Variants in VPS13B observed in about 807,000 individuals in gnomAD.
VPS13B encodes intermembrane lipid transfer protein VPS13B.
VPS13B carries 285 observed loss-of-function variants against 426.4 expected under a neutral mutation model. The ratio of observed to expected loss-of-function variants is 0.67; its 90% CI spans 0.61 to 0.74. VPS13B has a LOEUF of 0.74. VPS13B is among the 30% of genes least tolerant of loss of function. The pLI is 0.00. For synonymous variants in VPS13B, 1,676 were observed against 1,676.4 expected, an observed-to-expected ratio of 1.00 and a Z score of 0.01; for missense variants, 4,537 against 4,782.6, an observed-to-expected ratio of 0.95 and a Z score of 1.51.
At chr8:99,189,104 T>G (rs1813397957) in intron 16 of VPS13B, among the ~76,000 whole-genome samples, 2 of 152,104 alleles carry the variant, frequency 1.3e-5, no homozygotes, top group Admixed American at 1.3e-4. Flanking sequence ...TTTCATCATG[T>G]TAGCCCGGCT....
At chr8:99,250,425 C>T (rs1817441400) in intron 17 of VPS13B, among the ~76,000 whole-genome samples, 1 of 152,042 alleles carries the variant, frequency 6.6e-6, no homozygotes, top group Non-Finnish European at 1.5e-5. Flanking sequence ...ATTAAGAACT[C>T]TCTGCCTAAC....
At chr8:99,416,932 A>G (rs183722935) in intron 21 of VPS13B, among the ~76,000 whole-genome samples, 10 of 152,282 alleles carry the variant, frequency 6.6e-5, no homozygotes, top group African/African-American at 2.2e-4. Context: ...AATGATAATC[A>G]TAGTATTTAA....
At chr8:99,026,928 G>A (rs1673406517) in intron 2 of VPS13B, among the ~76,000 whole-genome samples, 1 of 152,062 alleles carries the variant, frequency 6.6e-6, no homozygotes, top group African/African-American at 2.4e-5. Context: ...CCAGGCTGGA[G>A]TGCAGCGGTG....
intron 30 of VPS13B, among the ~76,000 whole-genome samples, chr8:99,530,442 CT>C (rs1338413809): frequency 6.6e-6 from 1 of 151,936 alleles, no homozygotes; most frequent in African/African-American, 2.4e-5. Flanking sequence ...TGGTGAAACC[CT>C]ATTTCTACTA....
intron 17 of VPS13B, among the ~76,000 whole-genome samples, chr8:99,250,554 A>G (rs1396239722): frequency 1.8e-5 from 2 of 109,250 alleles, no homozygotes; most frequent in East Asian, 4.6e-4. Flanking sequence ...TTGTTGAAAA[A>G]GACTGTCTTT....
At chr8:99,743,921 A>C (rs1352406336) in intron 39 of VPS13B, among the ~76,000 whole-genome samples, 2 of 152,228 alleles carry the variant, frequency 1.3e-5, no homozygotes, top group African/African-American at 2.4e-5. Flanking sequence ...ATGGGCAAGG[A>C]CTTCATGTCT....
At chr8:99,202,690 C>T (rs1361338310) in intron 17 of VPS13B, among the ~76,000 whole-genome samples, 1 of 152,110 alleles carries the variant, frequency 6.6e-6, no homozygotes, top group Admixed American at 6.5e-5. Flanking sequence ...CTCCCTATCT[C>T]ATTTTATGAG....
At chr8:99,314,774 A>G (rs1821218267) in intron 19 of VPS13B, among the ~76,000 whole-genome samples, 1 of 152,240 alleles carries the variant, frequency 6.6e-6, no homozygotes, top group Middle Eastern at 3.4e-3. Context: ...AGAGCTAATG[A>G]TATTTGCTTT....
At chr8:99,843,617 G>T (rs1212608320) in intron 54 of VPS13B, among the ~76,000 whole-genome samples, 1 of 152,210 alleles carries the variant, frequency 6.6e-6, no homozygotes, top group Admixed American at 6.5e-5. Flanking sequence ...GAGACATACG[G>T]CAGTCTCTTG....
chr8:99,859,076 C>T (rs1215707172), intron 56 of VPS13B, among the ~76,000 whole-genome samples: 1 of 152,180 alleles, frequency 6.6e-6, no homozygotes, highest in Non-Finnish European at 1.5e-5. Flanking sequence ...ATATTAAAGC[C>T]ATTTGTGGGG....
chr8:99,621,071 CAGACTCCTTT>C (rs1042295203), intron 33 of VPS13B, among the ~76,000 whole-genome samples: 7 of 150,692 alleles, frequency 4.6e-5, no homozygotes, highest in African/African-American at 1.7e-4. Context: ...ATAAATCTTG[CAGACTCCTTT>C]AGTTAGGGTT....
At chr8:99,067,058 G>A (rs1030310096) in intron 3 of VPS13B, among the ~76,000 whole-genome samples, 3 of 152,206 alleles carry the variant, frequency 2.0e-5, no homozygotes, top group Admixed American at 1.3e-4. Context: ...GTGTAAATTA[G>A]TTCAACCATT....
chr8:99,161,701 A>ATAAT (rs1253194649), intron 15 of VPS13B, among the ~76,000 whole-genome samples: 1 of 151,704 alleles, frequency 6.6e-6, no homozygotes, highest in African/African-American at 2.4e-5. Context: ...TGCGTGGGAA[A>ATAAT]ACCATTCCCT....
intron 33 of VPS13B, among the ~76,000 whole-genome samples, chr8:99,621,520 T>C (rs1828347732): frequency 6.6e-6 from 1 of 152,200 alleles, no homozygotes; most frequent in South Asian, 2.1e-4. Flanking sequence ...ACATGTAATA[T>C]AGCCCACTCT....
intron 3 of VPS13B, among the ~76,000 whole-genome samples, chr8:99,053,924 A>C (rs1432100132): frequency 6.6e-6 from 1 of 152,110 alleles, no homozygotes; most frequent in Non-Finnish European, 1.5e-5. Context: ...GGCTGATCTC[A>C]AACTCCTGGC....
chr8:99,377,513 T>A (rs1433999229), intron 19 of VPS13B, among the ~76,000 whole-genome samples: 1 of 152,222 alleles, frequency 6.6e-6, no homozygotes, highest in Non-Finnish European at 1.5e-5. Context: ...TTCTGTGATT[T>A]TCATTTTTCT....
chr8:99,821,877 T>G (rs1236134625), intron 50 of VPS13B, among the ~76,000 whole-genome samples: 2 of 152,220 alleles, frequency 1.3e-5, no homozygotes, highest in East Asian at 3.8e-4. Context: ...CAGCAAAGTT[T>G]ATATTTCTGG....
At chr8:99,660,968 A>G (rs1293525181) in intron 34 of VPS13B, among the ~76,000 whole-genome samples, 3 of 152,124 alleles carry the variant, frequency 2.0e-5, no homozygotes, top group Admixed American at 1.3e-4. Context: ...GAAAATGTAT[A>G]TGCTTTTTTT....
At chr8:99,136,438 AGTG>A (rs1420833249) in intron 11 of VPS13B, among the ~76,000 whole-genome samples, 1 of 152,162 alleles carries the variant, frequency 6.6e-6, no homozygotes, top group Non-Finnish European at 1.5e-5. Flanking sequence ...TGATTAATAA[AGTG>A]GTCAAAATGT....
Sources: gnomAD v4.1 joint callset for allele counts (sites outside exome capture counted in the v4.1 genomes callset) on GRCh38, gnomAD v4.1.1 for gene constraint, MANE v1.5 for transcripts, NCBI Gene and HGNC (gene_info 2026-07-23, HGNC 2026-07-21) for gene names.